SNX25: variants seen among roughly 807,000 people sequenced by gnomAD.
The protein encoded by SNX25 is sorting nexin-25.
Under a neutral mutation model 113.7 loss-of-function variants are expected in SNX25, and 62 were observed. The ratio of observed to expected loss-of-function variants is 0.55; its 90% confidence interval spans 0.44 to 0.67. The LOEUF (loss-of-function observed/expected upper bound fraction) is 0.67, where lower values mean the gene tolerates loss of function less well. Among genes scored for constraint, SNX25 ranks in the 30% least tolerant of loss-of-function variants. The pLI, the probability that SNX25 is intolerant of heterozygous loss-of-function variation, is 0.00. For missense variants in SNX25, 1,014 were observed against 1,161.0 expected, an observed-to-expected ratio of 0.87 and a Z score of 1.84; for synonymous variants, 421 against 436.2, an observed-to-expected ratio of 0.97 and a Z score of 0.43.
In SNX25 at chr4:185,357,657, G is replaced by T. The variant is rs771973006; in HGVS notation, c.2585-14G>T. The stretch of plus-strand genomic sequence containing the variant: ...GCCCTGTGATAAAAAGTTTTCCTCT[G>T]GTTTCTGTTTCAGTGTTTAAATGGG... On this transcript the variant is annotated splice_polypyrimidine_tract_variant and intron_variant, in intron 15 of 18. Coordinates refer to ENST00000652585, the MANE Select transcript of SNX25 (RefSeq NM_001378034.2). 6.2e-6 allele frequency: 10 copies of T among 1,612,754 alleles called. No individual in the cohort carries two copies. The highest frequency in any genetic ancestry group is 1.3e-5 in the African/African-American group (1 of 74,860).
chr4:185,209,852 G>GCGGCGC lies in SNX25; in HGVS notation c.31_36dup (p.Ala11_Gly12dup). 9.2e-6 allele frequency: 9 copies of GCGGCGC among 983,480 alleles called. No homozygotes were observed. Among genetic ancestry groups the GCGGCGC allele is most frequent in the Non-Finnish European group, 1.1e-5 (9 of 829,202 alleles). 60.9% of individuals were successfully genotyped at this position (983,480 alleles called of 1,614,324 possible). A position where few individuals can be genotyped will look rare whatever the true frequency, so the allele number is the denominator to read the frequency against. ...ATGCACCCCGATGCGACCGACAGTG[G>GCGGCGC]CGGCGCCGGCCCCAGCCCCGCGCGG... On this transcript the variant is annotated inframe_insertion, in exon 1 of 19. Coordinates refer to ENST00000652585, the MANE Select transcript of SNX25 (RefSeq NM_001378034.2). The surrounding 1 kb of genome is among the most constrained non-coding windows in gnomAD (Gnocchi z 5.2).
rs1160907233 is a variant in SNX25, at chr4:185,212,818, T to G, written c.429+2563T>G. Among the ~76,000 whole-genome samples the G allele has an allele frequency of 3.3e-5, 5 of 152,190 alleles. No homozygotes were observed. In the South Asian group the frequency reaches 8.3e-4, roughly 25 times the overall value. On this transcript the variant is annotated intron_variant, in intron 1 of 18. Coordinates refer to ENST00000652585, the MANE Select transcript of SNX25 (RefSeq NM_001378034.2). ...GTGAACCAAATGGAGCTCCTTAGAATAACAGTGACTGCTACACAAATTTGG... is the reference window on the plus strand; with the variant it reads ...GTGAACCAAATGGAGCTCCTTAGAAGAACAGTGACTGCTACACAAATTTGG...
upstream of SNX25, among the ~76,000 whole-genome samples, chr4:185,206,612 T>C (rs1409224428): frequency 2.2e-5 from 3 of 137,570 alleles, no homozygotes; most frequent in African/African-American, 8.1e-5. Context: ...TGAGCCGAGA[T>C]TGCGCCATTG....
chr4:185,205,027 G>A (rs977726114), upstream of SNX25, among the ~76,000 whole-genome samples: 8 of 152,246 alleles, frequency 5.3e-5, no homozygotes, highest in Admixed American at 2.6e-4. Flanking sequence ...GCAAAGAAGG[G>A]TAGGAAATAT....
At chr4:185,250,191 G>A (rs1274909272) in intron 2 of SNX25, among the ~76,000 whole-genome samples, 1 of 152,212 alleles carries the variant, frequency 6.6e-6, no homozygotes, top group African/African-American at 2.4e-5. Context: ...CCTAAAGTGA[G>A]TCCCTCAGTC....
At chr4:185,263,292 T>C (rs1747586657) in intron 3 of SNX25, among the ~76,000 whole-genome samples, 1 of 152,194 alleles carries the variant, frequency 6.6e-6, no homozygotes, top group Non-Finnish European at 1.5e-5. Context: ...AAAAAAGAAT[T>C]ACCTTTAAAA....
At chr4:185,277,526 G>T (rs1440808740) in intron 5 of SNX25, among the ~76,000 whole-genome samples, 1 of 152,086 alleles carries the variant, frequency 6.6e-6, no homozygotes, top group East Asian at 1.9e-4. Flanking sequence ...CTCCCGCCAT[G>T]GCCGATTTAA....
At position 185,240,222 on chromosome 4, in the gene SNX25, C is replaced by G. The variant is rs536041090; in HGVS notation, c.430-7072C>G. Among the ~76,000 whole-genome samples, 1,135 of 152,250 alleles carry G rather than the reference C, an allele frequency of 7.5e-3. 20 individuals are homozygous for G. Among genetic ancestry groups the G allele is most frequent in the African/African-American group, 0.025 (1,046 of 41,514 alleles). ...TCTCAGTCTTTTCCCCACCTTTCCC[C>G]CCTTTCTATTCCACAAAACCGCCAT... On this transcript the variant is annotated intron_variant, in intron 1 of 18. Transcript: ENST00000652585.
intron 1 of SNX25, among the ~76,000 whole-genome samples, chr4:185,239,362 A>G (rs1015025741): frequency 4.6e-5 from 7 of 152,112 alleles, no homozygotes; most frequent in Non-Finnish European, 2.9e-5. Context: ...GGGCACCTGT[A>G]GTCCCAGCTA....
rs80060831 is a variant in SNX25, at chr4:185,266,775, C to T, written c.905-194C>T. On this transcript the variant is annotated intron_variant, in intron 4 of 18. Coordinates refer to ENST00000652585, the MANE Select transcript of SNX25 (RefSeq NM_001378034.2). ...ACTTGATTATAGCCATGGATGATAA[C>T]ATATTTGGAGGGATAGGCAGCTGTA... is the stretch of plus-strand genomic sequence containing the variant. 8.6e-3 allele frequency among the ~76,000 whole-genome samples: 1,309 copies of T among 152,274 alleles called. 16 individuals carry two copies. Among genetic ancestry groups the T allele is most frequent in the African/African-American group, 0.029 (1,216 of 41,542 alleles).
chr4:185,244,893 C>T (rs1438052797), intron 1 of SNX25, among the ~76,000 whole-genome samples: 2 of 151,964 alleles, frequency 1.3e-5, no homozygotes, highest in Non-Finnish European at 2.9e-5. Context: ...TAAGCACGAA[C>T]AGGGATGACA....
At chr4:185,225,385 A>C (rs1012851023) in intron 1 of SNX25, among the ~76,000 whole-genome samples, 1 of 152,146 alleles carries the variant, frequency 6.6e-6, no homozygotes, top group African/African-American at 2.4e-5. Context: ...CGGCCTCCCA[A>C]AGTGCTGGGA....
intron 15 of SNX25, among the ~76,000 whole-genome samples, chr4:185,357,034 A>G (rs1233009758): frequency 6.6e-6 from 1 of 152,208 alleles, no homozygotes; most frequent in Non-Finnish European, 1.5e-5. Flanking sequence ...GCACATGTTA[A>G]TACCTTCCTT....
At chr4:185,280,876 G>T (rs540288033) in intron 5 of SNX25, among the ~76,000 whole-genome samples, 4 of 152,146 alleles carry the variant, frequency 2.6e-5, no homozygotes, top group Admixed American at 6.5e-5. Context: ...ATGCAGAGCC[G>T]CAGTTATGGG....
At chr4:185,368,374 CT>C (rs2095399400), downstream of SNX25, among the ~76,000 whole-genome samples, 1 of 152,144 alleles carries the variant, frequency 6.6e-6, no homozygotes, top group African/African-American at 2.4e-5. Context: ...CAGTTACCAT[CT>C]TACTGCCTCA....
chr4:185,365,878 C>T (rs2095386507), downstream of SNX25: 1 of 151,986 alleles, frequency 6.6e-6, no homozygotes, highest in South Asian at 2.1e-4. Context: ...AATTTCTTCC[C>T]TTACACAAAG....
chr4:185,281,843 T>C (rs10033487), intron 5 of SNX25, among the ~76,000 whole-genome samples: 96,660 of 151,754 alleles, frequency 0.64, 31,181 homozygotes, highest in East Asian at 0.77. Flanking sequence ...TGGTGAAACG[T>C]CATCTCTACG....
intron 10 of SNX25, among the ~76,000 whole-genome samples, chr4:185,335,358 A>AC (rs1491133826): frequency 1.3e-4 from 19 of 145,162 alleles, no homozygotes; most frequent in East Asian, 4.0e-4. Flanking sequence ...ACACACACAC[A>AC]ACAAAAACAA....
At chr4:185,336,876 G>A (rs960484408) in intron 10 of SNX25, among the ~76,000 whole-genome samples, 17 of 152,026 alleles carry the variant, frequency 1.1e-4, no homozygotes, top group Middle Eastern at 3.4e-3. Flanking sequence ...AGGTGGTATC[G>A]CATTGTGGTT....
Sources: gnomAD v4.1 joint callset for allele counts (sites outside exome capture counted in the v4.1 genomes callset) on GRCh38, gnomAD v4.1.1 for gene constraint, Gnocchi (gnomAD v3.1) non-coding constraint, MANE v1.5 for transcripts, NCBI Gene and HGNC (gene_info 2026-07-23, HGNC 2026-07-21) for gene names.